The following ZZZ3 variants were observed in gnomAD, a reference collection of about 807,000 sequenced individuals.
ZZZ3 encodes ZZ-type zinc finger-containing protein 3.
ZZZ3 carries 22 observed loss-of-function variants against 95.2 expected under a neutral mutation model. That is an observed-to-expected ratio of 0.23 (90% CI 0.17 to 0.33). The LOEUF (loss-of-function observed/expected upper bound fraction) is 0.33, where lower values mean the gene tolerates loss of function less well. Ranked by LOEUF, ZZZ3 falls within the 10% of genes least tolerant of loss-of-function variation. The probability of loss-of-function intolerance (pLI) is 1.00; values close to 1 mark genes in which losing one functional copy is unlikely to be tolerated. For missense variants in ZZZ3, 885 were observed against 1,066.5 expected (o/e 0.83, Z 2.37); for synonymous variants, 335 against 358.9 (o/e 0.93, Z 0.75).
intron 5 of ZZZ3, among the ~76,000 whole-genome samples, chr1:77,594,876 A>G (rs922344629): frequency 1.2e-4 from 18 of 151,104 alleles, no homozygotes; most frequent in African/African-American, 4.4e-4. Context: ...GAATTACAAA[A>G]CAACCAGATA....
rs114462431 is a variant in ZZZ3, at chr1:77,655,509, C to A, written c.-402-13854G>T. On this transcript the variant is annotated intron_variant, in intron 1 of 14. Coordinates refer to ENST00000370801, the MANE Select transcript of ZZZ3 (RefSeq NM_015534.6). ...TGGGCCGTTGCCAACACTTAATCTGCCCTTGGACTTTTCAACCTTCAGAAC... is the reference window on the plus strand; with the variant it reads ...TGGGCCGTTGCCAACACTTAATCTGACCTTGGACTTTTCAACCTTCAGAAC... Among the ~76,000 whole-genome samples, 104 of 152,264 alleles carry A rather than the reference C, an allele frequency of 6.8e-4. 1 individual carries two copies. The highest frequency in any genetic ancestry group is 2.4e-3 in the African/African-American group (101 of 41,548).
intron 5 of ZZZ3, among the ~76,000 whole-genome samples, chr1:77,622,744 C>T (rs1667003132): frequency 6.6e-6 from 1 of 152,150 alleles, no homozygotes; most frequent in African/African-American, 2.4e-5. Context: ...TATTTCTGTT[C>T]CAACCTCAGC....
chr1:77,629,520 G>A (rs1034192124), intron 5 of ZZZ3, among the ~76,000 whole-genome samples: 15 of 152,160 alleles, frequency 9.9e-5, no homozygotes, highest in African/African-American at 3.4e-4. Flanking sequence ...AACTTGGGAG[G>A]CTGAGGTGGG....
intron 1 of ZZZ3, among the ~76,000 whole-genome samples, chr1:77,672,872 C>G (rs1295369757): frequency 6.6e-6 from 1 of 152,148 alleles, no homozygotes; most frequent in Non-Finnish European, 1.5e-5. Context: ...AGATAATGTT[C>G]CCCTATTGCA....
In ZZZ3 at chr1:77,578,821, T is replaced by C; in HGVS notation, c.2131A>G (p.Ile711Val). The C allele has an allele frequency of 6.3e-7, 1 of 1,578,532 alleles. No individual in the cohort carries two copies. Among genetic ancestry groups the C allele is most frequent in the African/African-American group, 1.4e-5 (1 of 72,822 alleles). The change falls in exon 11 of 15, where the codon ATT (isoleucine) becomes GTT (valine). Residue 711 changes from isoleucine to valine, a missense_variant. Ile to Val is a conservative substitution (Grantham distance 29). This residue lies in a region of ZZZ3 where 221 missense variants were observed against 247.8 expected (regional missense o/e 0.89). Coordinates refer to ENST00000370801, the MANE Select transcript of ZZZ3 (RefSeq NM_015534.6). The stretch of plus-strand genomic sequence containing the variant: ...TTTGGTGTTCTGCCTGGTACTGGAA[T>C]GCCAGCTTTAGTTAGCTTTATGAAA... ...KYFIKLTKAG[I>V]PVPGRTPNLY...
chr1:77,575,160 G>A (rs765118495), intron 12 of ZZZ3, among the ~76,000 whole-genome samples: 4 of 152,118 alleles, frequency 2.6e-5, no homozygotes, highest in Non-Finnish European at 5.9e-5. Context: ...CTCCTGCCTG[G>A]GCGACAGAGC....
intron 5 of ZZZ3, among the ~76,000 whole-genome samples, chr1:77,589,811 T>C (rs1236941977): frequency 2.0e-5 from 3 of 151,954 alleles, no homozygotes; most frequent in African/African-American, 7.3e-5. Context: ...ACATACACAA[T>C]AATCAGGGAG....
At chr1:77,655,812 A>G (rs944588322) in intron 1 of ZZZ3, among the ~76,000 whole-genome samples, 1 of 152,208 alleles carries the variant, frequency 6.6e-6, no homozygotes, top group African/African-American at 2.4e-5. Flanking sequence ...CCCTTTGTTG[A>G]TCTATGACTT....
intron 5 of ZZZ3, among the ~76,000 whole-genome samples, chr1:77,619,748 C>T (rs1666664960): frequency 6.6e-6 from 1 of 152,104 alleles, no homozygotes; most frequent in Non-Finnish European, 1.5e-5. Context: ...AAACATGAGA[C>T]TCCTCTTATA....
intron 5 of ZZZ3, among the ~76,000 whole-genome samples, chr1:77,592,654 A>G (rs951375341): frequency 6.6e-6 from 1 of 152,188 alleles, no homozygotes; most frequent in Non-Finnish European, 1.5e-5. Flanking sequence ...ACAAAGAATA[A>G]GAATAAAAGC....
intron 1 of ZZZ3, among the ~76,000 whole-genome samples, chr1:77,643,149 G>A (rs897867860): frequency 4.6e-5 from 7 of 151,628 alleles, no homozygotes; most frequent in African/African-American, 1.7e-4. Context: ...TTGCATCACT[G>A]CATTCCAGCC....
At chr1:77,662,171 A>G (rs1245983804) in intron 1 of ZZZ3, among the ~76,000 whole-genome samples, 7 of 151,710 alleles carry the variant, frequency 4.6e-5, no homozygotes. Context: ...ACACCACCAC[A>G]CCCGGCTAAT....
intron 10 of ZZZ3, among the ~76,000 whole-genome samples, chr1:77,579,106 T>C (rs1662250913): frequency 6.6e-6 from 1 of 152,190 alleles, no homozygotes; most frequent in Non-Finnish European, 1.5e-5. Flanking sequence ...TATTTCAACT[T>C]GTGAACACTT....
rs1362478459 is a variant in ZZZ3 at position 77,622,934 on chromosome 1, G to C, written c.1505+8916C>G. On this transcript the variant is annotated intron_variant, in intron 5 of 14. Coordinates refer to ENST00000370801, the MANE Select transcript of ZZZ3 (RefSeq NM_015534.6). ...CCCCAGATAATCAAACTGCAGGCTTGGGTTTGAGTATTATAGGAAGAAAAC... is the reference window on the plus strand; with the variant it reads ...CCCCAGATAATCAAACTGCAGGCTTCGGTTTGAGTATTATAGGAAGAAAAC... Among the ~76,000 whole-genome samples the C allele has an allele frequency of 2.6e-5, 4 of 152,124 alleles. No individual in the cohort carries two copies. The East Asian group carries it at 7.7e-4, about 29-fold the overall frequency.
chr1:77,592,352 G>C (rs547419879), intron 5 of ZZZ3, among the ~76,000 whole-genome samples: 1 of 152,346 alleles, frequency 6.6e-6, no homozygotes, highest in African/African-American at 2.4e-5. Flanking sequence ...CCCCAGGATA[G>C]AGTGCAGTGG....
At chr1:77,655,644 C>T (rs1476574171) in intron 1 of ZZZ3, among the ~76,000 whole-genome samples, 1 of 152,172 alleles carries the variant, frequency 6.6e-6, no homozygotes, top group Non-Finnish European at 1.5e-5. Flanking sequence ...ACAGACAAGG[C>T]AGATAGATAA....
intron 5 of ZZZ3, among the ~76,000 whole-genome samples, chr1:77,612,018 A>G (rs1291366003): frequency 6.6e-6 from 1 of 152,090 alleles, no homozygotes; most frequent in East Asian, 1.9e-4. Context: ...GGAAACAAAC[A>G]ACAAAATAAA....
At chr1:77,672,852 A>G (rs1364252448) in intron 1 of ZZZ3, among the ~76,000 whole-genome samples, 1 of 152,184 alleles carries the variant, frequency 6.6e-6, no homozygotes, top group Admixed American at 6.5e-5. Flanking sequence ...TCTCTCCCCC[A>G]TTCTTCAGGA....
At chr1:77,575,113 G>C (rs776655453) in intron 12 of ZZZ3, among the ~76,000 whole-genome samples, 3 of 152,216 alleles carry the variant, frequency 2.0e-5, no homozygotes, top group Non-Finnish European at 4.4e-5. Context: ...GAACCTGGGA[G>C]GCAGAGGCTG....
Sources: gnomAD v4.1 joint callset for allele counts (sites outside exome capture counted in the v4.1 genomes callset) on GRCh38, gnomAD v4.1.1 for gene constraint, gnomAD v4.1.1 regional missense constraint, MANE v1.5 for transcripts, NCBI Gene and HGNC (gene_info 2026-07-23, HGNC 2026-07-21) for gene names.